The following TNFAIP8 variants were observed in gnomAD, a reference collection of about 807,000 sequenced individuals.
TNFAIP8 encodes the protein TNF alpha induced protein 8, also known as tumor necrosis factor alpha-induced protein 8.
Under a neutral mutation model 13.3 loss-of-function variants are expected in TNFAIP8, and 7 were observed. The observed-to-expected ratio is 0.52, with a 90% confidence interval of 0.30 to 0.99. The LOEUF (loss-of-function observed/expected upper bound fraction) is 0.99, where lower values mean the gene tolerates loss of function less well. Among genes scored for constraint, TNFAIP8 ranks in the 50% least tolerant of loss-of-function variants. The pLI is 0.07. For missense variants in TNFAIP8, 258 were observed against 236.9 expected, an observed-to-expected ratio of 1.09 and a Z score of -0.58; for synonymous variants, 94 against 87.6, an observed-to-expected ratio of 1.07 and a Z score of -0.41.
chr5:119,294,671 C>A (rs561212909), intron 1 of TNFAIP8, among the ~76,000 whole-genome samples: 1 of 151,280 alleles, frequency 6.6e-6, no homozygotes, highest in Non-Finnish European at 1.5e-5. Context: ...CAGTGGGACT[C>A]CACATCCTCT....
At chr5:119,280,820 G>A (rs912251607) in intron 1 of TNFAIP8, among the ~76,000 whole-genome samples, 2 of 152,124 alleles carry the variant, frequency 1.3e-5, no homozygotes, top group African/African-American at 4.8e-5. Context: ...ACATAGGAAA[G>A]GGATGATAAA....
At chr5:119,334,624 C>CGTGTGTGG (rs1750490276) in intron 1 of TNFAIP8, among the ~76,000 whole-genome samples, 1 of 135,694 alleles carries the variant, frequency 7.4e-6, no homozygotes, top group African/African-American at 2.8e-5. Context: ...GTGATCCTTT[C>CGTGTGTGG]GTGTGTGTGT....
At chr5:119,300,691 C>T (rs550996599) in intron 1 of TNFAIP8, among the ~76,000 whole-genome samples, 1 of 152,308 alleles carries the variant, frequency 6.6e-6, no homozygotes, top group South Asian at 2.1e-4. Context: ...AACTGAATAA[C>T]TTGCCTGAGA....
rs531253482 is a variant in TNFAIP8, at chr5:119,349,019, T to A, written c.2-43797T>A. 8.8e-4 allele frequency among the ~76,000 whole-genome samples: 134 copies of A among 152,276 alleles called. 3 individuals carry two copies. Among genetic ancestry groups the A allele is most frequent in the Middle Eastern group, 3.4e-3 (1 of 290 alleles). ...GAAGGCTGAGGATGCCTTGGTCAGATGTGATGTCGTGCTGTCCTGGCCACC... is the reference window on the plus strand; with the variant it reads ...GAAGGCTGAGGATGCCTTGGTCAGAAGTGATGTCGTGCTGTCCTGGCCACC... On this transcript the variant is annotated intron_variant, in intron 1 of 1. Transcript: ENST00000274456.
intron 1 of TNFAIP8, among the ~76,000 whole-genome samples, chr5:119,301,420 A>G (rs910151314): frequency 2.0e-5 from 3 of 152,148 alleles, no homozygotes; most frequent in East Asian, 1.9e-4. Context: ...AAAAAAAATC[A>G]TCTCCTATGG....
chr5:119,332,294 G>A (rs563318852), intron 1 of TNFAIP8, among the ~76,000 whole-genome samples: 1 of 152,176 alleles, frequency 6.6e-6, no homozygotes, highest in South Asian at 2.1e-4. Context: ...CGTGGTTCTC[G>A]TTAAATCTTA....
chr5:119,383,501 C>A (rs1752562364), intron 1 of TNFAIP8, among the ~76,000 whole-genome samples: 1 of 152,128 alleles, frequency 6.6e-6, no homozygotes, highest in African/African-American at 2.4e-5. Context: ...AGGTCATAGC[C>A]CGTATTTCTC....
intron 1 of TNFAIP8, among the ~76,000 whole-genome samples, chr5:119,372,094 G>A (rs1464975109): frequency 4.0e-5 from 6 of 149,788 alleles, no homozygotes; most frequent in Non-Finnish European, 4.5e-5. Context: ...CCGAGATCGC[G>A]CCATGGCACT....
At position 119,335,091 on chromosome 5, in the gene TNFAIP8, C is replaced by T. The variant is rs76479488; in HGVS notation, c.2-57725C>T. Among the ~76,000 whole-genome samples, 865 of 152,088 alleles carry T rather than the reference C, an allele frequency of 5.7e-3. 34 individuals carry two copies. Among genetic ancestry groups the T allele is most frequent in the Admixed American group, 0.049 (755 of 15,264 alleles). On this transcript the variant is annotated intron_variant, in intron 1 of 1. Coordinates refer to the TNFAIP8 transcript ENST00000274456. ...GCTGAGAACCGTAGTGGCAGAGTGG[C>T]GCGTAGGAGCTTGTCTACTCTGTTC...
intron 1 of TNFAIP8, among the ~76,000 whole-genome samples, chr5:119,274,871 C>T (rs889695508): frequency 6.6e-6 from 1 of 152,196 alleles, no homozygotes; most frequent in African/African-American, 2.4e-5. Flanking sequence ...TCCTGTGAAC[C>T]TGACTGTTAA....
intron 1 of TNFAIP8, among the ~76,000 whole-genome samples, chr5:119,277,170 G>A (rs1264661298): frequency 6.6e-6 from 1 of 152,140 alleles, no homozygotes; most frequent in Non-Finnish European, 1.5e-5. Flanking sequence ...TGGTCACACT[G>A]CAACTGTGGA....
intron 1 of TNFAIP8, among the ~76,000 whole-genome samples, chr5:119,370,820 T>A (rs999115647): frequency 6.6e-6 from 1 of 152,248 alleles, no homozygotes; most frequent in Non-Finnish European, 1.5e-5. Flanking sequence ...CCTAACCCGT[T>A]GATACTTTAT....
At chr5:119,380,911 T>C (rs140969737) in intron 1 of TNFAIP8, among the ~76,000 whole-genome samples, 1 of 152,314 alleles carries the variant, frequency 6.6e-6, no homozygotes, top group Non-Finnish European at 1.5e-5. Context: ...ACATCTGTAT[T>C]TTTGTGAAAA....
chr5:119,299,688 G>A (rs909161892), intron 1 of TNFAIP8, among the ~76,000 whole-genome samples: 5 of 152,184 alleles, frequency 3.3e-5, no homozygotes, highest in Non-Finnish European at 7.4e-5. Flanking sequence ...CTGTCTTTTT[G>A]TTTGTTGTGC....
At chr5:119,342,261 C>T (rs1173168430) in intron 1 of TNFAIP8, among the ~76,000 whole-genome samples, 1 of 152,190 alleles carries the variant, frequency 6.6e-6, no homozygotes, top group Non-Finnish European at 1.5e-5. Flanking sequence ...GAGATAGCAC[C>T]TTGTGTTGTC....
chr5:119,312,538 C>A (rs1366120425), intron 1 of TNFAIP8, among the ~76,000 whole-genome samples: 3 of 151,704 alleles, frequency 2.0e-5, no homozygotes, highest in African/African-American at 7.3e-5. Context: ...TACACCGGGA[C>A]TCAAATGACA....
At chr5:119,329,084 G>A (rs1420260042) in intron 1 of TNFAIP8, among the ~76,000 whole-genome samples, 2 of 152,224 alleles carry the variant, frequency 1.3e-5, no homozygotes, top group African/African-American at 4.8e-5. Flanking sequence ...AGGACCCAGC[G>A]AGTGCCGCAG....
chr5:119,313,027 A>C (rs1050210224), intron 1 of TNFAIP8, among the ~76,000 whole-genome samples: 1 of 152,200 alleles, frequency 6.6e-6, no homozygotes, highest in Non-Finnish European at 1.5e-5. Context: ...ACTTGGCTTA[A>C]TATTAAGAAG....
intron 1 of TNFAIP8, among the ~76,000 whole-genome samples, chr5:119,379,780 A>G (rs1271864209): frequency 6.6e-6 from 1 of 152,064 alleles, no homozygotes; most frequent in Non-Finnish European, 1.5e-5. Flanking sequence ...TTTAGTAGAG[A>G]TGGGGTCTCT....
Sources: gnomAD v4.1 joint callset for allele counts (sites outside exome capture counted in the v4.1 genomes callset) on GRCh38, gnomAD v4.1.1 for gene constraint, MANE v1.5 for transcripts, NCBI Gene and HGNC (gene_info 2026-07-23, HGNC 2026-07-21) for gene names.